MAN2B2: variants seen among roughly 807,000 people sequenced by gnomAD.
MAN2B2 encodes the protein mannosidase alpha class 2B member 2, also known as epididymis-specific alpha-mannosidase.
Under a neutral mutation model 117.1 loss-of-function variants are expected in MAN2B2, and 106 were observed. The observed-to-expected ratio is 0.90, with a 90% confidence interval of 0.77 to 1.06. The LOEUF (loss-of-function observed/expected upper bound fraction) is 1.06. MAN2B2 is among the 50% of genes least tolerant of loss of function. The probability of loss-of-function intolerance (pLI) is 0.00; values close to 1 mark genes in which losing one functional copy is unlikely to be tolerated. For synonymous variants in MAN2B2, 544 were observed against 595.1 expected, an observed-to-expected ratio of 0.91 and a Z score of 1.25; for missense variants, 1,326 against 1,381.4, an observed-to-expected ratio of 0.96 and a Z score of 0.64.
At chr4:6,590,989 A>C (rs144860706) in intron 5 of MAN2B2, among the ~76,000 whole-genome samples, 1 of 152,292 alleles carries the variant, frequency 6.6e-6, no homozygotes, top group East Asian at 1.9e-4. Context: ...TCTGTAGTCA[A>C]AATACAAAAA....
intron 12 of MAN2B2, 66 bp from the exon 13 acceptor site, chr4:6,609,732 G>C: frequency 2.6e-6 from 4 of 1,558,854 alleles, no homozygotes. Flanking sequence ...TGAAGGAAGG[G>C]AAGCAAAAAG....
chr4:6,600,460 T>C (rs1169792237), intron 9 of MAN2B2, among the ~76,000 whole-genome samples, 163 bp from the exon 10 acceptor site: 1 of 152,254 alleles, frequency 6.6e-6, no homozygotes, highest in Non-Finnish European at 1.5e-5. Flanking sequence ...GCTGTGTCTG[T>C]GGGAAACACC....
intron 16 of MAN2B2, among the ~76,000 whole-genome samples, 197 bp downstream of exon 16, chr4:6,614,552 G>A (rs1015789163): frequency 1.3e-5 from 2 of 152,148 alleles, no homozygotes; most frequent in Non-Finnish European, 2.9e-5. Flanking sequence ...TGGAGGCGAG[G>A]TGGGCCTGGC....
chr4:6,594,752 G>C lies in MAN2B2; in HGVS notation c.1057+20G>C, dbSNP rs1307425699. 3 of 1,595,442 alleles carry C rather than the reference G, an allele frequency of 1.9e-6. No individual in the cohort carries two copies. Among genetic ancestry groups the C allele is most frequent in the Non-Finnish European group, 2.6e-6 (3 of 1,172,470 alleles). On this transcript the variant is annotated intron_variant, in intron 7 of 18. Transcript: ENST00000285599. ...CCACAGGTACAGGCTTCCAGGGGCTGGGGTGGTAGTTTGGTGGCAGGGAGG... is the reference window on the plus strand; with the variant it reads ...CCACAGGTACAGGCTTCCAGGGGCTCGGGTGGTAGTTTGGTGGCAGGGAGG...
At chr4:6,586,924 C>G in intron 3 of MAN2B2, 72 bp from the exon 4 acceptor site, 1 of 1,482,714 alleles carries the variant, frequency 6.7e-7, no homozygotes, top group African/African-American at 1.4e-5. Context: ...GCAGGGTCCC[C>G]TGGGGTGAGG....
chr4:6,597,056 C>T lies in MAN2B2; in HGVS notation c.1058-57C>T, dbSNP rs1402213772. The T allele has an allele frequency of 2.0e-6, 3 of 1,523,812 alleles. No individual in the cohort carries two copies. In the African/African-American group the frequency reaches 4.2e-5, roughly 21 times the overall value. 94.4% of individuals were successfully genotyped at this position (1,523,812 alleles called of 1,614,324 possible). On this transcript the variant is annotated intron_variant, in intron 7 of 18. Transcript: ENST00000285599. ...CTTCTCAGCTCTTCCAGGGCTGGAG[C>T]TTAGCAGACTTCTGGGTCATGCCGT...
intron 11 of MAN2B2, among the ~76,000 whole-genome samples, chr4:6,606,270 T>C (rs1727541782): frequency 6.6e-6 from 1 of 152,206 alleles, no homozygotes; most frequent in African/African-American, 2.4e-5. Context: ...GCTCCAGGAC[T>C]TCTCTGGGAA....
At chr4:6,596,962 C>T in intron 7 of MAN2B2, 151 bp from the exon 8 acceptor site, 2 of 719,380 alleles carry the variant, frequency 2.8e-6, no homozygotes, top group Non-Finnish European at 4.7e-6. Flanking sequence ...AGCCGTAAGC[C>T]CTGGGCTCGC....
chr4:6,610,978 T>C lies in MAN2B2; in HGVS notation c.2358T>C (p.Asn786=). Residue 786 remains asparagine, a synonymous_variant, in exon 14 of 19, where the codon AAT becomes AAC. Transcript: ENST00000285599. ...CACATGGCATCTCCAGCCAAGGGAA[T>C]GGGCAGGTGGAGGTAGGAGGCACGG... is the stretch of plus-strand genomic sequence containing the variant. The part of the protein sequence containing the change: ...ERAHGISSQG[N]GQVEVMLHRR... 1.2e-5 allele frequency: 20 copies of C among 1,614,146 alleles called. No homozygotes were observed. The highest frequency in any genetic ancestry group is 1.7e-5 in the Non-Finnish European group (20 of 1,180,000).
chr4:6,614,190 C>G, intron 15 of MAN2B2, 28 bp from the exon 16 acceptor site: 1 of 1,609,970 alleles, frequency 6.2e-7, no homozygotes. Flanking sequence ...CCCAAACCCT[C>G]TCCTCACTCT....
At chr4:6,576,244 C>T (rs1186799367) in intron 1 of MAN2B2, among the ~76,000 whole-genome samples, 1 of 152,208 alleles carries the variant, frequency 6.6e-6, no homozygotes, top group East Asian at 1.9e-4. Context: ...CCCTCAATGG[C>T]ACACTCAGGG....
intron 2 of MAN2B2, among the ~76,000 whole-genome samples, chr4:6,577,480 C>T (rs940465283): frequency 6.6e-6 from 1 of 152,218 alleles, no homozygotes; most frequent in African/African-American, 2.4e-5. Flanking sequence ...AGGGCGTCCA[C>T]CAGGCCCCGC....
intron 2 of MAN2B2, 51 bp from the exon 3 acceptor site, chr4:6,578,342 C>A: frequency 7.2e-7 from 1 of 1,395,196 alleles, no homozygotes; most frequent in Non-Finnish European, 1.0e-6. Flanking sequence ...CAGACCCAGC[C>A]ATGCTCAGGA....
chr4:6,605,301 A>G lies in MAN2B2; in HGVS notation c.1786A>G (p.Thr596Ala). ...DCYIVLLDQD[T>A]NLMHSIWERQ... is the part of the protein sequence containing the mutation. ...CTACATTGTGCTGCTCGACCAGGAT[A>G]CCAACCTGATGCACAGCATCTGGGA... The change falls in exon 11 of 19, where the codon ACC becomes GCC. Residue 596 changes from threonine (T) to alanine (A), a missense_variant. Physicochemically the swap from Thr to Ala is moderately conservative, Grantham distance 58. Coordinates refer to ENST00000285599, the MANE Select transcript of MAN2B2 (RefSeq NM_015274.3). 2 of 1,612,772 alleles carry G rather than the reference A, an allele frequency of 1.2e-6. No homozygotes were observed. The highest frequency in any genetic ancestry group is 2.2e-5 in the South Asian group (2 of 91,080).
chr4:6,619,757 C>T lies in MAN2B2; in HGVS notation c.2815-170C>T, dbSNP rs375692715. 21 of 648,792 alleles carry T rather than the reference C, an allele frequency of 3.2e-5. No individual in the cohort carries two copies. The African/African-American group carries it at 3.4e-4, about 11-fold the overall frequency. 40.2% of individuals were successfully genotyped at this position (648,792 alleles called of 1,614,324 possible). A position where few individuals can be genotyped will look rare whatever the true frequency, so the allele number is the denominator to read the frequency against. On this transcript the variant is annotated intron_variant, in intron 17 of 18. Transcript: ENST00000285599. ...TAAAGTACACGGCCAGTCCTGTCCT[C>T]GCAGATGTGCTGTGAGAAGCAGATG...
In MAN2B2 at chr4:6,610,895, G is replaced by A. The variant is rs1727740622; in HGVS notation, c.2275G>A (p.Val759Ile). The change falls in exon 14 of 19, where the codon GTT (valine) becomes ATT (isoleucine). Residue 759 changes from valine (V) to isoleucine (I), a missense_variant. By Grantham distance (29) the Val-to-Ile change is conservative. Coordinates refer to ENST00000285599, the MANE Select transcript of MAN2B2 (RefSeq NM_015274.3). ...CTGTCTGCAGAATTACTACCCCATG[G>A]TTCAGTCGGCCTTCATGGAGGATGG... ...NSIARNYYPMVQSAFMEDGKS... is the reference protein window; with the variant it reads ...NSIARNYYPMIQSAFMEDGKS... 6.2e-7 allele frequency: 1 copy of A among 1,614,186 alleles called. No homozygotes were observed. The highest frequency in any genetic ancestry group is 8.5e-7 in the Non-Finnish European group (1 of 1,180,018).
chr4:6,576,309 C>A (rs374417304), intron 1 of MAN2B2, among the ~76,000 whole-genome samples: 3 of 152,314 alleles, frequency 2.0e-5, no homozygotes, highest in African/African-American at 7.2e-5. Flanking sequence ...CTCTGAGAAA[C>A]TGTCCCTGAC....
At position 6,597,309 on chromosome 4, in the gene MAN2B2, A is replaced by G; in HGVS notation, c.1248+6A>G. The G allele has an allele frequency of 1.3e-6, 2 of 1,532,312 alleles. No individual in the cohort carries two copies. Among genetic ancestry groups the G allele is most frequent in the Non-Finnish European group, 1.8e-6 (2 of 1,138,548 alleles). The allele number at this position is 1,532,312 out of a possible 1,614,324, so 94.9% of individuals were successfully genotyped here. On this transcript the variant is annotated splice_donor_region_variant and intron_variant, in intron 8 of 18. Coordinates refer to ENST00000285599, the MANE Select transcript of MAN2B2 (RefSeq NM_015274.3). ...TTCGCTGGGCCGTCTCCGAGGTAAC[A>G]CCACATTTAGCCACAGTGGCAGGAT...
intron 5 of MAN2B2, 54 bp downstream of exon 5, chr4:6,589,214 C>G (rs1269573315): frequency 7.6e-7 from 1 of 1,315,390 alleles, no homozygotes; most frequent in African/African-American, 1.5e-5. Context: ...GTCTGCCCAG[C>G]CCCTGCAGCT....
Sources: gnomAD v4.1 joint callset for allele counts (sites outside exome capture counted in the v4.1 genomes callset) on GRCh38, gnomAD v4.1.1 for gene constraint, MANE v1.5 for transcripts, NCBI Gene and HGNC (gene_info 2026-07-23, HGNC 2026-07-21) for gene names.